C6: variants seen among roughly 807,000 people sequenced by gnomAD.
The protein encoded by C6 is complement component C6.
A neutral mutation model predicts 112.9 loss-of-function variants in C6; 101 were observed. That is an observed-to-expected ratio of 0.89 (90% CI 0.76 to 1.06). C6 has a LOEUF of 1.06. C6 is among the 50% of genes least tolerant of loss of function. The pLI is 0.00. For missense variants in C6, 1,202 were observed against 1,104.6 expected (o/e 1.09, Z -1.25); for synonymous variants, 431 against 384.1 (o/e 1.12, Z -1.43).
chr5:41,229,497 G>C (rs897107995), intron 1 of C6, among the ~76,000 whole-genome samples: 1 of 151,824 alleles, frequency 6.6e-6, no homozygotes, highest in Non-Finnish European at 1.5e-5. Flanking sequence ...TTTTCCTCCT[G>C]TTATTGATTT....
intron 10 of C6, among the ~76,000 whole-genome samples, 157 bp downstream of exon 10, chr5:41,161,536 T>C (rs986431726): frequency 6.6e-6 from 1 of 152,130 alleles, no homozygotes; most frequent in African/African-American, 2.4e-5. Context: ...AGACATGCAA[T>C]TTAACATTTA....
chr5:41,208,545 A>G (rs1180896897), intron 1 of C6, among the ~76,000 whole-genome samples: 2 of 152,220 alleles, frequency 1.3e-5, no homozygotes, highest in African/African-American at 4.8e-5. Context: ...GGATATCACC[A>G]CCGATCCCAC....
chr5:41,164,524 G>A (rs1322889389), intron 9 of C6, among the ~76,000 whole-genome samples: 3 of 152,124 alleles, frequency 2.0e-5, no homozygotes, highest in Non-Finnish European at 4.4e-5. Context: ...GTAAAGCCAA[G>A]GAAATTAGAC....
rs369653180 is a variant in C6, at chr5:41,172,228, C to T, written c.1288G>A (p.Glu430Lys). The change falls in exon 9 of 18, where the codon GAA becomes AAA. Residue 430 changes from glutamate to lysine, a missense_variant. By Grantham distance (56) the Glu-to-Lys change is moderately conservative (BLOSUM62 1). Coordinates refer to ENST00000337836, the MANE Select transcript of C6 (RefSeq NM_000065.5). Reference protein sequence around the residue: ...CTTNKLSEKHEGSFIQGAEKS... With the variant: ...CTTNKLSEKHKGSFIQGAEKS... ...TGCTAAGAGAGAGTACTGTTACCTT[C>T]ATGTTTCTCTGACAGCTTGTTGGTG... The T allele has an allele frequency of 4.3e-6, 7 of 1,613,682 alleles. No individual in the cohort carries two copies. The highest frequency in any genetic ancestry group is 5.9e-6 in the Non-Finnish European group (7 of 1,179,772).
chr5:41,159,431 T>C, intron 11 of C6, 178 bp from the exon 12 acceptor site: 1 of 984,668 alleles, frequency 1.0e-6, no homozygotes, highest in East Asian at 1.1e-4. Context: ...CATTGCCTGA[T>C]TTCCTTTTAG....
At chr5:41,162,496 T>A (rs1226636977) in intron 9 of C6, among the ~76,000 whole-genome samples, 1 of 152,210 alleles carries the variant, frequency 6.6e-6, no homozygotes, top group African/African-American at 2.4e-5. Flanking sequence ...TTAGACACAA[T>A]GACATTTACT....
intron 1 of C6, among the ~76,000 whole-genome samples, chr5:41,207,565 A>G (rs1751536570): frequency 6.6e-6 from 1 of 152,228 alleles, no homozygotes; most frequent in Non-Finnish European, 1.5e-5. Flanking sequence ...AAAAAAAGGC[A>G]GGTGTTGCGA....
chr5:41,205,366 G>C (rs1229049637), intron 1 of C6, among the ~76,000 whole-genome samples: 1 of 152,344 alleles, frequency 6.6e-6, no homozygotes, highest in Non-Finnish European at 1.5e-5. Flanking sequence ...TCATCTCACT[G>C]GGGCTTGTCG....
At chr5:41,166,482 G>A (rs1214353164) in intron 9 of C6, among the ~76,000 whole-genome samples, 1 of 152,108 alleles carries the variant, frequency 6.6e-6, no homozygotes, top group Non-Finnish European at 1.5e-5. Context: ...AGTGCCTGGA[G>A]CATAGCAAGA....
At chr5:41,203,272 C>T (rs758614384) in intron 1 of C6, 22 bp from the exon 2 acceptor site, 1 of 1,612,222 alleles carries the variant, frequency 6.2e-7, no homozygotes, top group Non-Finnish European at 8.5e-7. Flanking sequence ...GAATACATAA[C>T]ACATATCAAA....
intron 1 of C6, among the ~76,000 whole-genome samples, chr5:41,228,630 A>G (rs1021236054): frequency 6.6e-6 from 1 of 152,136 alleles, no homozygotes; most frequent in Non-Finnish European, 1.5e-5. Context: ...TACATTCTTT[A>G]TATGCCTAAT....
chr5:41,212,562 C>G (rs1293582358), intron 1 of C6, among the ~76,000 whole-genome samples: 1 of 152,130 alleles, frequency 6.6e-6, no homozygotes, highest in Non-Finnish European at 1.5e-5. Flanking sequence ...TTCCACATCT[C>G]TAGGCATTCT....
At chr5:41,251,671 TA>T (rs1305810224) in intron 1 of C6, among the ~76,000 whole-genome samples, 1 of 152,172 alleles carries the variant, frequency 6.6e-6, no homozygotes, top group Admixed American at 6.5e-5. Context: ...GCTAGAGAGC[TA>T]AAACAATGAC....
At chr5:41,194,558 T>C (rs1262721293) in intron 5 of C6, among the ~76,000 whole-genome samples, 1 of 152,198 alleles carries the variant, frequency 6.6e-6, no homozygotes, top group Non-Finnish European at 1.5e-5. Context: ...TGCCTCGAGT[T>C]TTCATATTAT....
chr5:41,208,916 G>A (rs200253297), intron 1 of C6, among the ~76,000 whole-genome samples: 30,628 of 151,396 alleles, frequency 0.2, 3,877 homozygotes, highest in African/African-American at 0.37. Flanking sequence ...GAGACACAAC[G>A]AAAAAAGAGA....
intron 1 of C6, among the ~76,000 whole-genome samples, chr5:41,220,954 A>T (rs1739132758): frequency 6.6e-6 from 1 of 152,082 alleles, no homozygotes; most frequent in South Asian, 2.1e-4. Flanking sequence ...AAGAGCAAGC[A>T]TCTAACATAC....
intron 1 of C6, among the ~76,000 whole-genome samples, chr5:41,208,011 T>C (rs1751577745): frequency 6.6e-6 from 1 of 152,060 alleles, no homozygotes; most frequent in African/African-American, 2.4e-5. Flanking sequence ...AGAACAGAAA[T>C]TACAACAAAC....
chr5:41,154,022 T>G, intron 14 of C6, 24 bp from the exon 15 acceptor site: 2 of 1,608,360 alleles, frequency 1.2e-6, no homozygotes, highest in Non-Finnish European at 8.5e-7. Context: ...ACATTTCATA[T>G]GTGTTTAGTG....
At chr5:41,189,990 T>C (rs971002933) in intron 5 of C6, among the ~76,000 whole-genome samples, 2 of 152,212 alleles carry the variant, frequency 1.3e-5, no homozygotes, top group Non-Finnish European at 2.9e-5. Context: ...TGTAACATGT[T>C]TTCTTTATCC....
Sources: gnomAD v4.1 joint callset for allele counts (sites outside exome capture counted in the v4.1 genomes callset) on GRCh38, gnomAD v4.1.1 for gene constraint, MANE v1.5 for transcripts, NCBI Gene and HGNC (gene_info 2026-07-23, HGNC 2026-07-21) for gene names.